Variants in EYS observed in about 807,000 individuals in gnomAD.
EYS encodes the protein EGF-like photoreceptor maintenance factor.
In EYS, 250 loss-of-function variants were observed where a neutral mutation model predicts 282.1. That is an observed-to-expected ratio of 0.89 (90% CI 0.80 to 0.98). EYS has a LOEUF of 0.98. Among genes scored for constraint, EYS ranks in the 50% least tolerant of loss-of-function variants. EYS has a pLI of 0.00. For missense variants in EYS, 4,016 were observed against 3,709.0 expected, an observed-to-expected ratio of 1.08 and a Z score of -2.15; for synonymous variants, 1,355 against 1,282.9, an observed-to-expected ratio of 1.06 and a Z score of -1.20.
intron 12 of EYS, among the ~76,000 whole-genome samples, chr6:65,236,010 A>G (rs181054500): frequency 1.7e-4 from 26 of 151,862 alleles, no homozygotes; most frequent in Admixed American, 1.4e-3. Flanking sequence ...TTTAGGAAAA[A>G]TTTCCTTGAT....
chr6:64,210,354 T>C (rs1346981854), intron 31 of EYS, among the ~76,000 whole-genome samples: 1 of 152,152 alleles, frequency 6.6e-6, no homozygotes, highest in Non-Finnish European at 1.5e-5. Context: ...CCTGGTTCTT[T>C]CTGAAGGCTC....
intron 12 of EYS, among the ~76,000 whole-genome samples, chr6:65,176,335 A>G (rs948875874): frequency 6.6e-6 from 1 of 151,648 alleles, no homozygotes; most frequent in African/African-American, 2.4e-5. Flanking sequence ...CCAACATTGT[A>G]AAGCAATGTA....
chr6:65,477,081 G>A lies in EYS; in HGVS notation c.862+13513C>T, dbSNP rs764364531. 3.9e-5 allele frequency among the ~76,000 whole-genome samples: 6 copies of A among 152,174 alleles called. No individual in the cohort carries two copies. In the South Asian group the frequency reaches 8.3e-4, roughly 21 times the overall value. Reference sequence around the variant, plus strand: ...GCTTTTATAGCCAGCTTCTAAAACTGTCATATCACTGAGTATCACAGACAA... The same window carrying A: ...GCTTTTATAGCCAGCTTCTAAAACTATCATATCACTGAGTATCACAGACAA... On this transcript the variant is annotated intron_variant, in intron 5 of 42. Transcript: ENST00000503581.
chr6:64,634,395 A>T (rs926889652), intron 22 of EYS, among the ~76,000 whole-genome samples: 1 of 152,202 alleles, frequency 6.6e-6, no homozygotes, highest in East Asian at 1.9e-4. Context: ...CAAATCAGAA[A>T]CTACCTCAGA....
At chr6:64,812,174 T>A (rs887084891) in intron 22 of EYS, among the ~76,000 whole-genome samples, 1 of 151,714 alleles carries the variant, frequency 6.6e-6, no homozygotes, top group African/African-American at 2.4e-5. Context: ...ATTTTATCAA[T>A]CTACAAAAGT....
At chr6:65,301,292 G>T (rs1332502846) in intron 11 of EYS, among the ~76,000 whole-genome samples, 2 of 152,164 alleles carry the variant, frequency 1.3e-5, no homozygotes, top group East Asian at 3.9e-4. Context: ...TCAGGAGATC[G>T]AGACCATCCT....
rs573384093 is a variant in EYS, at chr6:63,982,915, CAGTT to C, written c.7055+1464_7055+1467del. On this transcript the variant is annotated intron_variant, in intron 35 of 42. Transcript: ENST00000503581. ...CAAATATTTCAGACATTAACACAGT[CAGTT>C]AGAGAAGGTTTTTTCCCGTTTCTAT... Among the ~76,000 whole-genome samples the C allele has an allele frequency of 5.3e-5, 8 of 151,834 alleles. No individual in the cohort carries two copies. In the South Asian group the frequency reaches 6.2e-4, roughly 12 times the overall value.
At chr6:64,545,296 A>T (rs1363926802) in intron 26 of EYS, among the ~76,000 whole-genome samples, 1 of 152,194 alleles carries the variant, frequency 6.6e-6, no homozygotes, top group East Asian at 1.9e-4. Flanking sequence ...TAGATGCAGA[A>T]AAGGCCTTTG....
chr6:65,618,078 T>C (rs1427500700), intron 2 of EYS, among the ~76,000 whole-genome samples: 1 of 152,208 alleles, frequency 6.6e-6, no homozygotes, highest in Admixed American at 6.5e-5. Context: ...AGTAATGGGA[T>C]GGCTGGGTCA....
At chr6:65,241,481 C>T (rs1767056674) in intron 12 of EYS, among the ~76,000 whole-genome samples, 1 of 152,100 alleles carries the variant, frequency 6.6e-6, no homozygotes, top group Non-Finnish European at 1.5e-5. Context: ...TCCACTCCAA[C>T]ACCCACTTTT....
intron 22 of EYS, among the ~76,000 whole-genome samples, chr6:64,665,606 G>T (rs1447880349): frequency 6.6e-6 from 1 of 152,098 alleles, no homozygotes; most frequent in Non-Finnish European, 1.5e-5. Context: ...AAAATTATCT[G>T]TATATAGACA....
At chr6:64,218,166 T>C (rs1247060393) in intron 31 of EYS, among the ~76,000 whole-genome samples, 1 of 152,132 alleles carries the variant, frequency 6.6e-6, no homozygotes, top group Admixed American at 6.5e-5. Flanking sequence ...CCAGTTCCCC[T>C]GCCCCTCCAT....
intron 15 of EYS, among the ~76,000 whole-genome samples, chr6:64,919,763 T>TA (rs776584221): frequency 6.6e-6 from 1 of 152,164 alleles, no homozygotes; most frequent in Non-Finnish European, 1.5e-5. Context: ...AACTGGTCAA[T>TA]AATCTTTTTC....
chr6:64,338,234 A>C (rs1770935195), intron 29 of EYS, among the ~76,000 whole-genome samples: 1 of 151,940 alleles, frequency 6.6e-6, no homozygotes, highest in African/African-American at 2.4e-5. Flanking sequence ...GAAAACCCTA[A>C]AGACTCCTCC....
intron 22 of EYS, among the ~76,000 whole-genome samples, chr6:64,769,807 T>A (rs1182820381): frequency 1.3e-5 from 2 of 151,836 alleles, no homozygotes; most frequent in African/African-American, 4.8e-5. Context: ...AGGACCAGCA[T>A]TGGTGGAGGT....
chr6:64,277,607 T>C (rs1768158858), intron 30 of EYS, among the ~76,000 whole-genome samples: 1 of 152,138 alleles, frequency 6.6e-6, no homozygotes, highest in African/African-American at 2.4e-5. Flanking sequence ...AAAGAAAGTA[T>C]AATTATACAA....
intron 35 of EYS, among the ~76,000 whole-genome samples, chr6:63,952,818 C>T (rs4710454): frequency 0.3 from 45,537 of 151,904 alleles, 6,919 homozygotes; most frequent in Admixed American, 0.38. Context: ...ATCATGCAAC[C>T]TTACCATCCC....
At chr6:64,785,383 T>C (rs1173391279) in intron 22 of EYS, among the ~76,000 whole-genome samples, 1 of 152,192 alleles carries the variant, frequency 6.6e-6, no homozygotes, top group Non-Finnish European at 1.5e-5. Flanking sequence ...CAAATCTTGC[T>C]GGCCTAAAAC....
chr6:65,528,306 A>G (rs1465075911), intron 2 of EYS, among the ~76,000 whole-genome samples: 1 of 152,204 alleles, frequency 6.6e-6, no homozygotes, highest in African/African-American at 2.4e-5. Context: ...ACTACAATCT[A>G]CCAACTAGGT....
Sources: gnomAD v4.1 joint callset for allele counts (sites outside exome capture counted in the v4.1 genomes callset) on GRCh38, gnomAD v4.1.1 for gene constraint, MANE v1.5 for transcripts, NCBI Gene and HGNC (gene_info 2026-07-23, HGNC 2026-07-21) for gene names.